CDH18: variants seen among roughly 807,000 people sequenced by gnomAD.
CDH18 encodes the protein cadherin-18.
In CDH18, 31 loss-of-function variants were observed where a neutral mutation model predicts 67.9. The ratio of observed to expected loss-of-function variants is 0.46; its 90% confidence interval spans 0.34 to 0.62. The LOEUF is 0.62. Ranked by LOEUF, CDH18 falls within the 20% of genes least tolerant of loss-of-function variation. CDH18 has a pLI of 0.01. For missense variants in CDH18, 890 were observed against 975.5 expected (o/e 0.91, Z 1.17); for synonymous variants, 362 against 347.2 (o/e 1.04, Z -0.48).
At chr5:19,707,351 T>G (rs764296722) in intron 5 of CDH18, among the ~76,000 whole-genome samples, 1 of 152,196 alleles carries the variant, frequency 6.6e-6, no homozygotes, top group Non-Finnish European at 1.5e-5. Flanking sequence ...ATAGCTATGA[T>G]AGTGGTGATC....
intron 2 of CDH18, among the ~76,000 whole-genome samples, chr5:19,896,184 C>T (rs1386080806): frequency 6.6e-6 from 1 of 151,974 alleles, no homozygotes; most frequent in Admixed American, 6.6e-5. Flanking sequence ...TGGTGAAACC[C>T]CTTCTCTACT....
intron 2 of CDH18, among the ~76,000 whole-genome samples, chr5:20,087,688 T>C (rs74610347): frequency 0.024 from 3,700 of 152,048 alleles, 146 homozygotes; most frequent in African/African-American, 0.079. Context: ...AACAAAAGCA[T>C]GTACGTTTTT....
At chr5:19,623,374 T>C (rs1750994665) in intron 5 of CDH18, among the ~76,000 whole-genome samples, 2 of 152,152 alleles carry the variant, frequency 1.3e-5, no homozygotes, top group Non-Finnish European at 2.9e-5. Flanking sequence ...ATACTATTAA[T>C]CAAGAAAATT....
intron 3 of CDH18, among the ~76,000 whole-genome samples, chr5:19,786,461 C>T (rs1455076193): frequency 6.6e-6 from 1 of 152,050 alleles, no homozygotes; most frequent in Non-Finnish European, 1.5e-5. Flanking sequence ...ATATTATTTT[C>T]TAATTTATTA....
At chr5:19,475,862 T>TC (rs1292817187) in intron 12 of CDH18, among the ~76,000 whole-genome samples, 1 of 151,920 alleles carries the variant, frequency 6.6e-6, no homozygotes, top group Non-Finnish European at 1.5e-5. Context: ...GAACATACTT[T>TC]CCCCCCAGAA....
intron 1 of CDH18, among the ~76,000 whole-genome samples, chr5:20,357,891 A>C (rs1003659152): frequency 1.3e-5 from 2 of 152,214 alleles, no homozygotes; most frequent in Non-Finnish European, 2.9e-5. Flanking sequence ...ACATGGAATC[A>C]ACTTAGATGC....
At chr5:20,189,337 T>C (rs1738354258) in intron 2 of CDH18, among the ~76,000 whole-genome samples, 1 of 152,114 alleles carries the variant, frequency 6.6e-6, no homozygotes, top group Non-Finnish European at 1.5e-5. Context: ...ATGGACAACA[T>C]GTCTATCTAT....
intron 11 of CDH18, among the ~76,000 whole-genome samples, chr5:19,502,320 A>G (rs780840544): frequency 1.3e-5 from 2 of 152,200 alleles, no homozygotes; most frequent in African/African-American, 2.4e-5. Context: ...TGCACATACC[A>G]TATGGCTTAA....
intron 1 of CDH18, among the ~76,000 whole-genome samples, chr5:20,256,499 A>G (rs1488868524): frequency 6.6e-6 from 1 of 152,122 alleles, no homozygotes; most frequent in Non-Finnish European, 1.5e-5. Context: ...AGTATCTACT[A>G]TGTGCCAAAC....
chr5:20,501,580 ATTATATATATATAT>A (rs1561069486), intron 1 of CDH18, among the ~76,000 whole-genome samples: 7 of 12,394 alleles, frequency 5.6e-4, no homozygotes, highest in East Asian at 5.0e-3. Context: ...ATATATATAT[ATTATATATATATAT>A]TATATATATA....
At chr5:20,375,617 C>A (rs973547305) in intron 1 of CDH18, among the ~76,000 whole-genome samples, 6 of 152,172 alleles carry the variant, frequency 3.9e-5, no homozygotes, top group Admixed American at 2.0e-4. Context: ...GCCTTTGCAT[C>A]AACTTCCTGA....
chr5:19,997,431 T>A (rs1241724162), intron 2 of CDH18, among the ~76,000 whole-genome samples: 1 of 152,076 alleles, frequency 6.6e-6, no homozygotes, highest in African/African-American at 2.4e-5. Flanking sequence ...AGAAGATGAA[T>A]AAAATGGAAT....
intron 1 of CDH18, among the ~76,000 whole-genome samples, chr5:20,568,301 G>T (rs1293830675): frequency 6.6e-6 from 1 of 152,104 alleles, no homozygotes; most frequent in Non-Finnish European, 1.5e-5. Context: ...TTATAATTGG[G>T]TTTCAAAAAT....
At chr5:19,810,287 C>T (rs894096840) in intron 3 of CDH18, among the ~76,000 whole-genome samples, 4 of 152,010 alleles carry the variant, frequency 2.6e-5, no homozygotes, top group African/African-American at 9.7e-5. Context: ...CCCAAGATCA[C>T]ACCACTGCAC....
chr5:19,577,127 G>A (rs1192911967), intron 7 of CDH18, among the ~76,000 whole-genome samples: 1 of 152,012 alleles, frequency 6.6e-6, no homozygotes, highest in African/African-American at 2.4e-5. Context: ...TTGGTTAATG[G>A]GTACAATGTT....
chr5:20,438,299 T>C (rs570988541), intron 1 of CDH18, among the ~76,000 whole-genome samples: 11 of 151,046 alleles, frequency 7.3e-5, no homozygotes, highest in Non-Finnish European at 1.0e-4. Context: ...TGGAACATTA[T>C]CCACTCTCTG....
intron 11 of CDH18, among the ~76,000 whole-genome samples, chr5:19,484,871 A>G (rs1326466459): frequency 2.0e-5 from 3 of 152,198 alleles, no homozygotes; most frequent in Non-Finnish European, 1.5e-5. Flanking sequence ...AGGGAACTCA[A>G]TAGGCAGCTA....
At chr5:20,454,195 C>T (rs10941829) in intron 1 of CDH18, among the ~76,000 whole-genome samples, 119,752 of 151,982 alleles carry the variant, frequency 0.79, 47,416 homozygotes, top group Admixed American at 0.86. Flanking sequence ...ATAAAAATGG[C>T]TGACAACAAG....
intron 10 of CDH18, among the ~76,000 whole-genome samples, chr5:19,513,503 C>G (rs2126845648): frequency 6.6e-6 from 1 of 152,130 alleles, no homozygotes; most frequent in Middle Eastern, 3.4e-3. Context: ...ACTTATCTGT[C>G]TTTTCAAATA....
Sources: gnomAD v4.1 joint callset for allele counts (sites outside exome capture counted in the v4.1 genomes callset) on GRCh38, gnomAD v4.1.1 for gene constraint, MANE v1.5 for transcripts, NCBI Gene and HGNC (gene_info 2026-07-23, HGNC 2026-07-21) for gene names.